TNFRSF8: variants seen among roughly 807,000 people sequenced by gnomAD.
TNFRSF8 encodes tumor necrosis factor receptor superfamily member 8.
In TNFRSF8, 26 loss-of-function variants were observed where a neutral mutation model predicts 70.8. The observed-to-expected ratio is 0.37, with a 90% CI of 0.27 to 0.51. TNFRSF8 has a LOEUF of 0.51. TNFRSF8 is among the 20% of genes least tolerant of loss of function. The pLI, the probability that TNFRSF8 is intolerant of heterozygous loss-of-function variation, is 0.94. For missense variants in TNFRSF8, 720 were observed against 807.9 expected, an observed-to-expected ratio of 0.89 and a Z score of 1.32; for synonymous variants, 356 against 339.2, an observed-to-expected ratio of 1.05 and a Z score of -0.54.
intron 2 of TNFRSF8, among the ~76,000 whole-genome samples, chr1:12,086,984 C>T (rs929367450): frequency 2.4e-4 from 36 of 151,844 alleles, no homozygotes; most frequent in Admixed American, 1.8e-3. Flanking sequence ...ATAGCACCAT[C>T]GCCTTCCCAT....
Position 12,142,865 on chromosome 1 carries a change from A to C in TNFRSF8, c.*334A>C. On this transcript the variant is annotated 3_prime_UTR_variant, in exon 15 of 15. Transcript: ENST00000263932. This position sits in a 1 kb window ranked among gnomAD's most constrained non-coding sequence, Gnocchi z 5.0. ...CAGCATTGGTCCCAGAGCCCTGGGCATCAGACCTTAACCACCAGGCCCACA... is the reference window on the plus strand; with the variant it reads ...CAGCATTGGTCCCAGAGCCCTGGGCCTCAGACCTTAACCACCAGGCCCACA... 1 of 252,420 alleles carries C rather than the reference A, an allele frequency of 4.0e-6. No homozygotes were observed. The highest frequency in any genetic ancestry group is 7.6e-6 in the Non-Finnish European group (1 of 130,874). The allele number at this position is 252,420 out of a possible 1,614,324, so 15.6% of individuals were successfully genotyped here. A position where few individuals can be genotyped will look rare whatever the true frequency, so the allele number is the denominator to read the frequency against.
chr1:12,074,361 C>T (rs1463998937), intron 1 of TNFRSF8, among the ~76,000 whole-genome samples: 2 of 151,766 alleles, frequency 1.3e-5, no homozygotes, highest in Non-Finnish European at 2.9e-5. Context: ...CTCACTGCAA[C>T]CTCCGCCTCC....
At chr1:12,067,603 C>T (rs562430934) in intron 1 of TNFRSF8, among the ~76,000 whole-genome samples, 6 of 151,914 alleles carry the variant, frequency 3.9e-5, no homozygotes, top group Middle Eastern at 3.4e-3. Context: ...GCAGGAGAAT[C>T]GCTTGAAACC....
At chr1:12,128,116 A>G (rs1641975143) in intron 12 of TNFRSF8, among the ~76,000 whole-genome samples, 1 of 152,140 alleles carries the variant, frequency 6.6e-6, no homozygotes, top group South Asian at 2.1e-4. Flanking sequence ...GGGAAGGAGC[A>G]CTGGTTTATT....
intron 1 of TNFRSF8, among the ~76,000 whole-genome samples, chr1:12,074,832 A>G (rs1407659765): frequency 6.6e-6 from 1 of 152,198 alleles, no homozygotes; most frequent in Non-Finnish European, 1.5e-5. Context: ...TCTGTTGCCC[A>G]GGCTGGAGTG....
intron 8 of TNFRSF8, among the ~76,000 whole-genome samples, chr1:12,121,083 G>T (rs1272743549): frequency 1.3e-5 from 2 of 152,192 alleles, no homozygotes; most frequent in Non-Finnish European, 2.9e-5. Context: ...GAGCATCAGA[G>T]CTCCAGTCCA....
chr1:12,128,174 C>T (rs753124408), intron 12 of TNFRSF8, among the ~76,000 whole-genome samples: 1 of 152,236 alleles, frequency 6.6e-6, no homozygotes, highest in African/African-American at 2.4e-5. Context: ...ATGGTCTTCA[C>T]GGAGCACTTC....
chr1:12,087,480 C>T (rs1475322070), intron 2 of TNFRSF8, among the ~76,000 whole-genome samples: 3 of 152,156 alleles, frequency 2.0e-5, no homozygotes, highest in African/African-American at 7.2e-5. Context: ...GTTTCTGGGC[C>T]TTTGGACATG....
chr1:12,091,937 A>G (rs1314184941), intron 2 of TNFRSF8, among the ~76,000 whole-genome samples: 4 of 152,190 alleles, frequency 2.6e-5, no homozygotes, highest in African/African-American at 9.7e-5. Context: ...TGAGAATCTA[A>G]TGCAGTTACT....
chr1:12,105,656 G>A (rs1263108589), intron 4 of TNFRSF8, among the ~76,000 whole-genome samples: 1 of 151,630 alleles, frequency 6.6e-6, no homozygotes, highest in African/African-American at 2.4e-5. Context: ...AAGGACACAA[G>A]GCCAGGTGTG....
chr1:12,126,296 G>T, intron 12 of TNFRSF8, 60 bp downstream of exon 12: 1 of 1,599,326 alleles, frequency 6.3e-7, no homozygotes, highest in African/African-American at 1.3e-5. Flanking sequence ...GCAGCTCTGG[G>T]CCCGGGGCGT....
rs151055595 is a variant in TNFRSF8, at chr1:12,090,361, TC to T, written c.151+5812del. Among the ~76,000 whole-genome samples, 695 of 147,050 alleles carry T rather than the reference TC, an allele frequency of 4.7e-3. 10 individuals carry two copies. The highest frequency in any genetic ancestry group is 0.017 in the African/African-American group (667 of 39,302). Reference sequence around the variant, plus strand: ...ATCCATCCACCCATCCGTCTACCCATCCACCCATCTACTCACTCATCCACTG... The same window carrying T: ...ATCCATCCACCCATCCGTCTACCCATCACCCATCTACTCACTCATCCACTG... On this transcript the variant is annotated intron_variant, in intron 2 of 14. Coordinates refer to ENST00000263932, the MANE Select transcript of TNFRSF8 (RefSeq NM_001243.5).
intron 12 of TNFRSF8, among the ~76,000 whole-genome samples, chr1:12,129,322 C>T (rs1189186215): frequency 1.3e-5 from 2 of 152,176 alleles, no homozygotes; most frequent in African/African-American, 4.8e-5. Context: ...ATGTCTCTCA[C>T]CCCGAAAACT....
intron 2 of TNFRSF8, among the ~76,000 whole-genome samples, chr1:12,092,913 T>C (rs568443163): frequency 1.6e-4 from 24 of 151,170 alleles, no homozygotes; most frequent in Non-Finnish European, 2.5e-4. Flanking sequence ...TCAAGTGATT[T>C]TCCTGCCCCA....
In TNFRSF8 at chr1:12,115,732, A is replaced by T; in HGVS notation, c.946+3A>T. ...AGAGACGGTCACCAAGCCCCAGGGT[A>T]AGCAGTTCCCACCCCAGGCCTCGAC... On this transcript the variant is annotated splice_donor_region_variant and intron_variant, in intron 8 of 14. Transcript: ENST00000263932. 5 of 1,613,744 alleles carry T rather than the reference A, an allele frequency of 3.1e-6. No homozygotes were observed. Among genetic ancestry groups the T allele is most frequent in the Non-Finnish European group, 3.4e-6 (4 of 1,179,736 alleles).
chr1:12,077,392 A>G (rs1180780146), intron 1 of TNFRSF8, among the ~76,000 whole-genome samples: 3 of 152,160 alleles, frequency 2.0e-5, no homozygotes, highest in African/African-American at 7.2e-5. Context: ...GAGAGATGTG[A>G]TGTGAGAAGG....
rs909047984 is a variant in TNFRSF8, at chr1:12,093,488, A to G, written c.152-3613A>G. On this transcript the variant is annotated intron_variant, in intron 2 of 14. Transcript: ENST00000263932. ...TTTAATGAAATATGTGTGAGGCCCT[A>G]TGATAGGGGAGGCATTGGTGAGTGG... is the stretch of plus-strand genomic sequence containing the variant. 2.0e-5 allele frequency among the ~76,000 whole-genome samples: 3 copies of G among 152,108 alleles called. No homozygotes were observed. In the East Asian group the frequency reaches 5.8e-4, roughly 29 times the overall value.
chr1:12,099,771 T>C (rs2100989114), intron 3 of TNFRSF8, among the ~76,000 whole-genome samples: 1 of 152,036 alleles, frequency 6.6e-6, no homozygotes, highest in South Asian at 2.1e-4. Context: ...ATCCTTTTGC[T>C]CCTAAGCTAC....
At chr1:12,091,210 A>G (rs954018963) in intron 2 of TNFRSF8, among the ~76,000 whole-genome samples, 1 of 152,214 alleles carries the variant, frequency 6.6e-6, no homozygotes, top group Non-Finnish European at 1.5e-5. Context: ...GAGCAGACTG[A>G]TGCACAGACT....
Sources: gnomAD v4.1 joint callset for allele counts (sites outside exome capture counted in the v4.1 genomes callset) on GRCh38, gnomAD v4.1.1 for gene constraint, Gnocchi (gnomAD v3.1) non-coding constraint, MANE v1.5 for transcripts, NCBI Gene and HGNC (gene_info 2026-07-23, HGNC 2026-07-21) for gene names.